Variants in NOSTRIN observed in about 807,000 individuals in gnomAD.
NOSTRIN encodes the protein BM247 homolog.
NOSTRIN carries 63 observed loss-of-function variants against 59.0 expected under a neutral mutation model. That is an observed-to-expected ratio of 1.07 (90% confidence interval 0.87 to 1.32). NOSTRIN has a LOEUF of 1.32. Ranked by LOEUF, NOSTRIN falls within the 40% of genes most tolerant of loss-of-function variation. The pLI, the probability that NOSTRIN is intolerant of heterozygous loss-of-function variation, is 0.00. For synonymous variants in NOSTRIN, 200 were observed against 165.4 expected, an observed-to-expected ratio of 1.21 and a Z score of -1.61; for missense variants, 512 against 473.1, an observed-to-expected ratio of 1.08 and a Z score of -0.76.
At chr2:168,847,850 T>G (rs1688522342) in intron 8 of NOSTRIN, among the ~76,000 whole-genome samples, 1 of 152,222 alleles carries the variant, frequency 6.6e-6, no homozygotes, top group Non-Finnish European at 1.5e-5. Context: ...GGAATTTATT[T>G]CCTCCTCTTC....
intron 8 of NOSTRIN, among the ~76,000 whole-genome samples, chr2:168,847,467 TG>T (rs1294941948): frequency 6.6e-6 from 1 of 152,216 alleles, no homozygotes; most frequent in African/African-American, 2.4e-5. Context: ...TTCTAAAGTT[TG>T]AGAGTCCCTG....
chr2:168,844,095 TTACAC>T (rs1688258979), intron 8 of NOSTRIN, among the ~76,000 whole-genome samples: 1 of 152,238 alleles, frequency 6.6e-6, no homozygotes, highest in Admixed American at 6.5e-5. Context: ...AATATACCAC[TTACAC>T]AATCTGTGTA....
At position 168,854,028 on chromosome 2, in the gene NOSTRIN, C is replaced by T. The variant is rs147001220; in HGVS notation, c.856-1324C>T. Among the ~76,000 whole-genome samples, 736 of 152,148 alleles carry T rather than the reference C, an allele frequency of 4.8e-3. 8 individuals carry two copies. The East Asian group carries it at 0.054, about 11-fold the overall frequency. ...GATTACAGGTGCACACCACCACGCC[C>T]GGCTAATTTTTTGTATTTTTAGTAG... On this transcript the variant is annotated intron_variant, in intron 10 of 15. Coordinates refer to ENST00000317647, the MANE Select transcript of NOSTRIN (RefSeq NM_001039724.4).
At chr2:168,808,550 G>C (rs1244082394) in intron 1 of NOSTRIN, among the ~76,000 whole-genome samples, 1 of 152,154 alleles carries the variant, frequency 6.6e-6, no homozygotes, top group Non-Finnish European at 1.5e-5. Flanking sequence ...TTTTTGTTGA[G>C]TCTTTGTTTC....
chr2:168,818,063 G>C (rs1175084455), intron 2 of NOSTRIN: 1 of 163,608 alleles, frequency 6.1e-6, no homozygotes, highest in Non-Finnish European at 1.4e-5. Context: ...AGAAGAATTT[G>C]AGGTTATTAA....
chr2:168,817,344 C>T (rs185903901), intron 2 of NOSTRIN, among the ~76,000 whole-genome samples: 1 of 152,184 alleles, frequency 6.6e-6, no homozygotes, highest in East Asian at 1.9e-4. Flanking sequence ...AGCCCAGTGG[C>T]TTTCAAACCT....
At chr2:168,840,548 A>C (rs1032362887) in intron 7 of NOSTRIN, among the ~76,000 whole-genome samples, 9 of 151,248 alleles carry the variant, frequency 6.0e-5, no homozygotes, top group Admixed American at 2.6e-4. Context: ...AAAAAAAAAA[A>C]AAACAAAAAA....
intron 2 of NOSTRIN, among the ~76,000 whole-genome samples, chr2:168,812,923 A>C (rs950792319): frequency 6.6e-6 from 1 of 152,250 alleles, no homozygotes; most frequent in Non-Finnish European, 1.5e-5. Context: ...ATCAGCACCA[A>C]ATAAATGGGG....
intron 13 of NOSTRIN, among the ~76,000 whole-genome samples, chr2:168,860,127 C>T (rs1689349508): frequency 6.6e-6 from 1 of 152,140 alleles, no homozygotes; most frequent in African/African-American, 2.4e-5. Context: ...TTTTCTAAGG[C>T]TCAAGAGCTC....
At chr2:168,812,206 C>T (rs1189525007) in intron 2 of NOSTRIN, 1 of 152,132 alleles carries the variant, frequency 6.6e-6, no homozygotes, top group Non-Finnish European at 1.5e-5. Flanking sequence ...GTTATGAAAG[C>T]CCTGCTTGAA....
upstream of NOSTRIN, chr2:168,802,616 G>A (rs1473865111): frequency 2.3e-6 from 2 of 866,428 alleles, no homozygotes; most frequent in Non-Finnish European, 4.0e-6. Context: ...TGGAGCGTAG[G>A]TGAAAGGACA....
At chr2:168,860,971 T>A in intron 14 of NOSTRIN, 62 bp downstream of exon 14, 1 of 1,061,942 alleles carries the variant, frequency 9.4e-7, no homozygotes, top group Non-Finnish European at 1.5e-6. Context: ...TTGCTACATT[T>A]AAATTTTAGT....
intron 2 of NOSTRIN, among the ~76,000 whole-genome samples, chr2:168,814,651 C>T (rs10176220): frequency 6.6e-6 from 1 of 152,152 alleles, no homozygotes; most frequent in African/African-American, 2.4e-5. Flanking sequence ...TTATGACAGA[C>T]AATGATGAAG....
intron 8 of NOSTRIN, among the ~76,000 whole-genome samples, chr2:168,844,246 G>A (rs1399309167): frequency 6.6e-6 from 1 of 152,190 alleles, no homozygotes; most frequent in Non-Finnish European, 1.5e-5. Context: ...AGAACTGCCA[G>A]AAACAGCCAC....
chr2:168,820,738 A>G (rs1686690325), intron 2 of NOSTRIN, among the ~76,000 whole-genome samples: 1 of 148,832 alleles, frequency 6.7e-6, no homozygotes. Flanking sequence ...AAAAGCCCCA[A>G]ATCACCTCAA....
intron 7 of NOSTRIN, among the ~76,000 whole-genome samples, chr2:168,840,159 G>A (rs1425763045): frequency 6.6e-6 from 1 of 151,914 alleles, no homozygotes; most frequent in East Asian, 1.9e-4. Context: ...TTGAGTCCTT[G>A]CATTGAACTG....
At chr2:168,817,397 A>G (rs1307521414) in intron 2 of NOSTRIN, among the ~76,000 whole-genome samples, 1 of 152,216 alleles carries the variant, frequency 6.6e-6, no homozygotes, top group Non-Finnish European at 1.5e-5. Context: ...GGGCTACCTC[A>G]GGGGGTGAGG....
Position 168,865,177 on chromosome 2 carries a change from T to G in NOSTRIN, c.*207T>G. On this transcript the variant is annotated 3_prime_UTR_variant, in exon 16 of 16. Transcript: ENST00000317647. ...GGGTGGAGACAGACAAGGAAGAGGC[T>G]CCTTGGTTCCTAGAGGAGTTTCCAA... is the stretch of plus-strand genomic sequence containing the variant. The G allele has an allele frequency of 5.2e-6, 3 of 574,610 alleles. No homozygotes were observed. The highest frequency in any genetic ancestry group is 9.0e-6 in the Non-Finnish European group (3 of 334,162). 35.6% of individuals were successfully genotyped at this position (574,610 alleles called of 1,614,324 possible).
At chr2:168,860,332 C>CAA (rs1321936177) in intron 13 of NOSTRIN, among the ~76,000 whole-genome samples, 1 of 152,154 alleles carries the variant, frequency 6.6e-6, no homozygotes, top group African/African-American at 2.4e-5. Context: ...AAAACTGAAA[C>CAA]ACAGTAGGGC....
Sources: gnomAD v4.1 joint callset for allele counts (sites outside exome capture counted in the v4.1 genomes callset) on GRCh38, gnomAD v4.1.1 for gene constraint, MANE v1.5 for transcripts, NCBI Gene and HGNC (gene_info 2026-07-23, HGNC 2026-07-21) for gene names.